PDE8A: variants seen among roughly 807,000 people sequenced by gnomAD.
PDE8A encodes the protein phosphodiesterase 8A.
In PDE8A, 59 loss-of-function variants were observed where a neutral mutation model predicts 105.0. The observed-to-expected ratio is 0.56, with a 90% confidence interval of 0.46 to 0.70. PDE8A has a LOEUF of 0.70. Among genes scored for constraint, PDE8A ranks in the 30% least tolerant of loss-of-function variants. The pLI, the probability that PDE8A is intolerant of heterozygous loss-of-function variation, is 0.00. For synonymous variants in PDE8A, 355 were observed against 371.9 expected, an observed-to-expected ratio of 0.95 and a Z score of 0.52; for missense variants, 1,014 against 1,045.9, an observed-to-expected ratio of 0.97 and a Z score of 0.42.
rs1471245612 is a variant in PDE8A, at chr15:84,982,300, C to T, written c.138C>T (p.Arg46=). 7.3e-7 allele frequency: 1 copy of T among 1,369,976 alleles called. No homozygotes were observed. The highest frequency in any genetic ancestry group is 9.3e-7 in the Non-Finnish European group (1 of 1,071,094). The allele number at this position is 1,369,976 out of a possible 1,614,324, so 84.9% of individuals were successfully genotyped here. A position where few individuals can be genotyped will look rare whatever the true frequency, so the allele number is the denominator to read the frequency against. The change falls in exon 1 of 22, where the codon CGC becomes CGT. Residue 46 remains arginine, a synonymous_variant. Coordinates refer to ENST00000394553, the MANE Select transcript of PDE8A (RefSeq NM_002605.3). ...AGACGGCCGCCTTGCCCCGGACCCG[C>T]GGCGCCGGCCTCTTGGAGTCGGAGC... ...GQKTAALPRT[R]GAGLLESELR... is the part of the protein sequence containing the mutation.
chr15:85,077,010 G>A (rs2081389972), intron 5 of PDE8A, among the ~76,000 whole-genome samples: 1 of 151,906 alleles, frequency 6.6e-6, no homozygotes, highest in South Asian at 2.1e-4. Flanking sequence ...AGGAGAACCT[G>A]CCTCAATCGT....
intron 9 of PDE8A, among the ~76,000 whole-genome samples, chr15:85,098,788 C>T (rs1039372231): frequency 6.6e-6 from 1 of 152,026 alleles, no homozygotes; most frequent in Non-Finnish European, 1.5e-5. Context: ...AGTGAGACCC[C>T]CATCCCTACA....
chr15:85,124,798 C>T (rs543009402), intron 19 of PDE8A, among the ~76,000 whole-genome samples: 1 of 152,346 alleles, frequency 6.6e-6, no homozygotes, highest in African/African-American at 2.4e-5. Flanking sequence ...CTGGCCACCA[C>T]TCCTGGCTGA....
intron 11 of PDE8A, among the ~76,000 whole-genome samples, chr15:85,103,314 A>G (rs532431605): frequency 1.1e-4 from 16 of 152,298 alleles, no homozygotes; most frequent in African/African-American, 3.8e-4. Context: ...CAGTCAGAGG[A>G]AATGTTCGGC....
chr15:85,036,856 C>T (rs988229141), intron 1 of PDE8A, among the ~76,000 whole-genome samples: 5 of 152,072 alleles, frequency 3.3e-5, no homozygotes, highest in South Asian at 2.1e-4. Flanking sequence ...CGTCTTCTAA[C>T]AGCACTGGTC....
intron 5 of PDE8A, among the ~76,000 whole-genome samples, chr15:85,080,204 T>A (rs529199639): frequency 6.6e-6 from 1 of 152,360 alleles, no homozygotes; most frequent in African/African-American, 2.4e-5. Context: ...ATTGATTATA[T>A]AGCTGTGGCT....
chr15:85,064,229 A>G (rs2081187248), intron 1 of PDE8A, 141 bp from the exon 2 acceptor site: 4 of 591,704 alleles, frequency 6.8e-6, no homozygotes, highest in Non-Finnish European at 1.2e-5. Flanking sequence ...CCTCATAATC[A>G]TTTCATTTAT....
At chr15:85,019,944 T>TTTTTTTTTTTTTTTTTTTTTTTTTTTG (rs2080395531) in intron 1 of PDE8A, among the ~76,000 whole-genome samples, 1 of 16,270 alleles carries the variant, frequency 6.1e-5, no homozygotes, top group Non-Finnish European at 1.3e-4. Context: ...TTTTTTTTGG[T>TTTTTTTTTTTTTTTTTTTTTTTTTTTG]TTTTTTTTTT....
intron 9 of PDE8A, 160 bp from the exon 10 acceptor site, chr15:85,099,855 T>C (rs914964928): frequency 2.5e-5 from 16 of 645,194 alleles, no homozygotes; most frequent in Admixed American, 1.7e-4. Flanking sequence ...TGTGATCTCT[T>C]CTTTATTTAT....
intron 16 of PDE8A, chr15:85,116,423 G>A (rs1292366763): frequency 1.5e-5 from 5 of 329,778 alleles, no homozygotes; most frequent in Admixed American, 4.3e-5. Flanking sequence ...TAAGATTGCT[G>A]TAAGAGATCT....
intron 16 of PDE8A, chr15:85,116,410 T>C (rs192743779): frequency 1.1e-3 from 409 of 357,906 alleles, no homozygotes; most frequent in African/African-American, 7.8e-3. Flanking sequence ...GGTGGTAATA[T>C]GTTAAGATTG....
At chr15:85,039,135 A>AAG (rs1490611265) in intron 1 of PDE8A, among the ~76,000 whole-genome samples, 2 of 152,050 alleles carry the variant, frequency 1.3e-5, no homozygotes, top group South Asian at 2.1e-4. Flanking sequence ...AAAAAAAAAA[A>AAG]AAAGAAAAGA....
intron 20 of PDE8A, among the ~76,000 whole-genome samples, chr15:85,127,111 C>G (rs56191600): frequency 6.6e-6 from 1 of 152,038 alleles, no homozygotes; most frequent in Non-Finnish European, 1.5e-5. Context: ...GCAGGAGGAT[C>G]GCTTGAAGCC....
At chr15:84,984,202 ACAC>A in intron 1 of PDE8A, among the ~76,000 whole-genome samples, 1 of 152,334 alleles carries the variant, frequency 6.6e-6, no homozygotes, top group South Asian at 2.1e-4. Context: ...ATAAATTATA[ACAC>A]CACAACCACA....
rs1407299250 is a variant in PDE8A at position 85,067,082 on chromosome 15, G to A, written c.312G>A (p.Gly104=). The change falls in exon 3 of 22, where the codon GGG becomes GGA. Residue 104 remains glycine (G), a synonymous_variant. Transcript: ENST00000394553. ...TCTGCAGGGCATGTGAAAAAGCAGGGTTTAAGTGTACAGTTACCAAGGAGG... is the reference window on the plus strand; with the variant it reads ...TCTGCAGGGCATGTGAAAAAGCAGGATTTAAGTGTACAGTTACCAAGGAGG... The part of the protein sequence containing the change: ...NGFCRACEKA[G]FKCTVTKEAQ... The A allele has an allele frequency of 3.7e-6, 6 of 1,613,784 alleles. No homozygotes were observed. The highest frequency in any genetic ancestry group is 4.2e-6 in the Non-Finnish European group (5 of 1,179,686).
At chr15:85,113,680 T>G (rs2082051889) in intron 13 of PDE8A, among the ~76,000 whole-genome samples, 193 bp from the exon 14 acceptor site, 1 of 152,084 alleles carries the variant, frequency 6.6e-6, no homozygotes. Context: ...TTGTTTTGTT[T>G]TTGCTGTTAT....
At chr15:84,982,867 G>C (rs559734919) in intron 1 of PDE8A, among the ~76,000 whole-genome samples, 1 of 152,208 alleles carries the variant, frequency 6.6e-6, no homozygotes, top group Non-Finnish European at 1.5e-5. Flanking sequence ...ATGTAATCTG[G>C]AACATCAGCT....
At chr15:85,131,121 A>G (rs2141648728) in intron 20 of PDE8A, among the ~76,000 whole-genome samples, 1 of 152,254 alleles carries the variant, frequency 6.6e-6, no homozygotes, top group Middle Eastern at 3.4e-3. Flanking sequence ...TCTCTCTTGG[A>G]TATTATTTTC....
chr15:84,998,139 C>T (rs1401122738), intron 1 of PDE8A, among the ~76,000 whole-genome samples: 2 of 152,082 alleles, frequency 1.3e-5, no homozygotes, highest in Non-Finnish European at 2.9e-5. Context: ...CTGAGTGGGA[C>T]CTTTGACTTT....
Sources: allele counts gnomAD v4.1 joint callset (sites outside exome capture counted in the v4.1 genomes callset), GRCh38; gene constraint gnomAD v4.1.1; transcripts MANE v1.5; gene names NCBI Gene and HGNC (gene_info 2026-07-23, HGNC 2026-07-21).